SNAP91: variants seen among roughly 807,000 people sequenced by gnomAD.
SNAP91 encodes the protein clathrin coat assembly protein AP180.
A neutral mutation model predicts 100.3 loss-of-function variants in SNAP91; 27 were observed. That is an observed-to-expected ratio of 0.27 (90% CI 0.20 to 0.37). The LOEUF (loss-of-function observed/expected upper bound fraction) is 0.37. Among genes scored for constraint, SNAP91 ranks in the 10% least tolerant of loss-of-function variants. SNAP91 has a pLI of 1.00. For missense variants in SNAP91, 986 were observed against 1,123.7 expected, an observed-to-expected ratio of 0.88 and a Z score of 1.75; for synonymous variants, 404 against 398.6, an observed-to-expected ratio of 1.01 and a Z score of -0.16.
At chr6:83,661,076 G>A (rs1301313506) in intron 5 of SNAP91, among the ~76,000 whole-genome samples, 1 of 152,108 alleles carries the variant, frequency 6.6e-6, no homozygotes, top group Non-Finnish European at 1.5e-5. Flanking sequence ...CCAAAGTACT[G>A]GGATTACAGG....
chr6:83,606,227 T>C (rs967968795), intron 13 of SNAP91, among the ~76,000 whole-genome samples: 14 of 152,184 alleles, frequency 9.2e-5, no homozygotes, highest in African/African-American at 2.9e-4. Context: ...TAAAATCTTT[T>C]GTATAGAAAA....
At chr6:83,618,401 A>G (rs189121609) in intron 9 of SNAP91, among the ~76,000 whole-genome samples, 215 of 151,374 alleles carry the variant, frequency 1.4e-3, no homozygotes, top group African/African-American at 5.1e-3. Flanking sequence ...ATCGGCATCT[A>G]ATAAGTTTAG....
At chr6:83,647,059 T>C (rs1042419187) in intron 7 of SNAP91, among the ~76,000 whole-genome samples, 2 of 148,422 alleles carry the variant, frequency 1.3e-5, no homozygotes, top group African/African-American at 2.5e-5. Context: ...CTTGCTATAA[T>C]TGCTTATTAG....
chr6:83,677,871 G>A (rs1478022466), intron 2 of SNAP91, among the ~76,000 whole-genome samples: 1 of 152,166 alleles, frequency 6.6e-6, no homozygotes, highest in Non-Finnish European at 1.5e-5. Flanking sequence ...TCATTCTATA[G>A]AGGTGGAAGA....
intron 26 of SNAP91, among the ~76,000 whole-genome samples, chr6:83,565,669 C>T (rs1316176465): frequency 6.6e-6 from 1 of 152,074 alleles, no homozygotes; most frequent in African/African-American, 2.4e-5. Context: ...AGACCTTTCT[C>T]TAAAGAAGAT....
At chr6:83,655,632 A>G (rs1309395892) in intron 7 of SNAP91, among the ~76,000 whole-genome samples, 2 of 152,218 alleles carry the variant, frequency 1.3e-5, no homozygotes, top group Admixed American at 1.3e-4. Context: ...ATTTTGACCA[A>G]AGAACATCAA....
At chr6:83,661,974 T>C (rs539996868) in intron 4 of SNAP91, among the ~76,000 whole-genome samples, 1 of 152,284 alleles carries the variant, frequency 6.6e-6, no homozygotes, top group Non-Finnish European at 1.5e-5. Context: ...ATATGATAAA[T>C]GAACAAATGA....
chr6:83,604,032 C>T (rs981881786), intron 14 of SNAP91, among the ~76,000 whole-genome samples: 2 of 152,012 alleles, frequency 1.3e-5, no homozygotes, highest in African/African-American at 2.4e-5. Context: ...CAAAATTTCA[C>T]CTTTTATTTT....
At chr6:83,663,043 T>A (rs1295603417) in intron 3 of SNAP91, among the ~76,000 whole-genome samples, 1 of 152,142 alleles carries the variant, frequency 6.6e-6, no homozygotes, top group African/African-American at 2.4e-5. Context: ...TCATCAGTGA[T>A]CTTTGATGTT....
chr6:83,614,065 A>C (rs138383273), intron 11 of SNAP91, among the ~76,000 whole-genome samples: 221 of 152,304 alleles, frequency 1.5e-3, no homozygotes, highest in Non-Finnish European at 2.5e-3. Flanking sequence ...GAAGCTGTCA[A>C]ATAGAATATT....
At chr6:83,689,974 CATTT>C (rs1213082217) in intron 2 of SNAP91, among the ~76,000 whole-genome samples, 5 of 151,984 alleles carry the variant, frequency 3.3e-5, no homozygotes, top group Admixed American at 6.6e-5. Flanking sequence ...TATTTCTCAT[CATTT>C]ACTTTTTCTC....
At chr6:83,598,515 A>G (rs1395087811) in intron 16 of SNAP91, among the ~76,000 whole-genome samples, 1 of 152,216 alleles carries the variant, frequency 6.6e-6, no homozygotes, top group East Asian at 1.9e-4. Context: ...ATGAAATTAA[A>G]TAGCCATCCT....
chr6:83,688,883 C>T (rs951380847), intron 2 of SNAP91, among the ~76,000 whole-genome samples: 2 of 152,106 alleles, frequency 1.3e-5, no homozygotes, highest in African/African-American at 4.8e-5. Flanking sequence ...CTTATAATGG[C>T]ATGTTATTAT....
intron 16 of SNAP91, among the ~76,000 whole-genome samples, chr6:83,595,680 C>A (rs1191630228): frequency 6.6e-6 from 1 of 152,144 alleles, no homozygotes; most frequent in Non-Finnish European, 1.5e-5. Context: ...GCAATATCTA[C>A]TCATGTTTCC....
chr6:83,708,689 G>C (rs893142471), intron 1 of SNAP91, 156 bp downstream of exon 1: 2 of 152,348 alleles, frequency 1.3e-5, no homozygotes, highest in South Asian at 2.1e-4. Context: ...GAGAGGAGCC[G>C]GGCTGACAGC....
At chr6:83,598,031 C>T (rs117358955) in intron 16 of SNAP91, among the ~76,000 whole-genome samples, 100 of 152,246 alleles carry the variant, frequency 6.6e-4, no homozygotes, top group Non-Finnish European at 1.3e-3. Context: ...CACAAATTGA[C>T]ACATTTGATT....
intron 2 of SNAP91, among the ~76,000 whole-genome samples, chr6:83,691,908 G>T (rs931081954): frequency 1.3e-5 from 2 of 152,110 alleles, no homozygotes; most frequent in African/African-American, 4.8e-5. Flanking sequence ...ATTTTTATTT[G>T]ATTTTAGGAG....
At chr6:83,669,358 A>G (rs1156237178) in intron 2 of SNAP91, among the ~76,000 whole-genome samples, 1 of 152,016 alleles carries the variant, frequency 6.6e-6, no homozygotes, top group East Asian at 1.9e-4. Flanking sequence ...AAACACACAG[A>G]AAAAATTCTT....
intron 20 of SNAP91, 83 bp from the exon 21 acceptor site, chr6:83,592,621 A>G: frequency 8.9e-7 from 1 of 1,119,568 alleles, no homozygotes; most frequent in Non-Finnish European, 1.3e-6. Context: ...GCATCTTGGG[A>G]TTTCATGGTT....
Sources: gnomAD v4.1 joint callset for allele counts (sites outside exome capture counted in the v4.1 genomes callset) on GRCh38, gnomAD v4.1.1 for gene constraint, MANE v1.5 for transcripts, NCBI Gene and HGNC (gene_info 2026-07-23, HGNC 2026-07-21) for gene names.